The following DNM3 variants were observed in gnomAD, a reference collection of about 807,000 sequenced individuals.
DNM3 encodes the protein dynamin-3.
In DNM3, 47 loss-of-function variants were observed where a neutral mutation model predicts 101.6. The observed-to-expected ratio is 0.46, with a 90% confidence interval of 0.37 to 0.59. The LOEUF is 0.59. Among genes scored for constraint, DNM3 ranks in the 20% least tolerant of loss-of-function variants. DNM3 has a pLI of 0.00. For synonymous variants in DNM3, 385 were observed against 387.9 expected, an observed-to-expected ratio of 0.99 and a Z score of 0.09; for missense variants, 849 against 1,085.7, an observed-to-expected ratio of 0.78 and a Z score of 3.06.
At chr1:172,168,935 G>A (rs2058849391) in intron 14 of DNM3, among the ~76,000 whole-genome samples, 1 of 151,932 alleles carries the variant, frequency 6.6e-6, no homozygotes, top group African/African-American at 2.4e-5. Flanking sequence ...TGTTGTAAGA[G>A]GTGAAACTTG....
chr1:172,207,410 C>T lies in DNM3; in HGVS notation c.1660-46163C>T, dbSNP rs146741079. 1.1e-3 allele frequency among the ~76,000 whole-genome samples: 160 copies of T among 152,190 alleles called. 1 individual carries two copies. Among genetic ancestry groups the T allele is most frequent in the African/African-American group, 3.5e-3 (145 of 41,542 alleles). On this transcript the variant is annotated intron_variant, in intron 14 of 20. Coordinates refer to ENST00000627582, the MANE Select transcript of DNM3 (RefSeq NM_015569.5). Reference sequence around the variant, plus strand: ...AGATGCCCTTGGATCTCCTAGTTCTCATATAATTTTCATGGGAACTTAATT... The same window carrying T: ...AGATGCCCTTGGATCTCCTAGTTCTTATATAATTTTCATGGGAACTTAATT...
At chr1:172,123,317 T>C (rs2056428974) in intron 13 of DNM3, among the ~76,000 whole-genome samples, 1 of 152,184 alleles carries the variant, frequency 6.6e-6, no homozygotes, top group Non-Finnish European at 1.5e-5. Context: ...AACTTCTTTA[T>C]CTCTGTCATA....
intron 1 of DNM3, among the ~76,000 whole-genome samples, chr1:171,917,160 T>C (rs994293414): frequency 6.6e-5 from 10 of 152,232 alleles, no homozygotes; most frequent in Admixed American, 3.9e-4. Context: ...CTATGAGTTA[T>C]GCCTCCCATC....
intron 2 of DNM3, among the ~76,000 whole-genome samples, chr1:171,985,913 C>T (rs2045218103): frequency 6.6e-6 from 1 of 152,160 alleles, no homozygotes; most frequent in Non-Finnish European, 1.5e-5. Flanking sequence ...GGTGCTGACA[C>T]TCACATTAAT....
intron 16 of DNM3, among the ~76,000 whole-genome samples, chr1:172,316,472 G>A (rs550089166): frequency 3.9e-5 from 6 of 152,178 alleles, no homozygotes; most frequent in Non-Finnish European, 7.3e-5. Flanking sequence ...AGACCCATCA[G>A]TGTGCTGTAT....
intron 1 of DNM3, among the ~76,000 whole-genome samples, chr1:171,859,753 AG>A (rs1430759592): frequency 6.6e-6 from 1 of 152,212 alleles, no homozygotes; most frequent in Non-Finnish European, 1.5e-5. Context: ...GGATAGTGAT[AG>A]AACATGACAG....
intron 13 of DNM3, among the ~76,000 whole-genome samples, chr1:172,122,256 C>A (rs2056368490): frequency 6.6e-6 from 1 of 151,858 alleles, no homozygotes; most frequent in South Asian, 2.1e-4. Flanking sequence ...CAATTTTTTC[C>A]CTGTCCTTAC....
chr1:172,113,059 A>G (rs1191485247), intron 13 of DNM3, among the ~76,000 whole-genome samples: 1 of 152,172 alleles, frequency 6.6e-6, no homozygotes, highest in Non-Finnish European at 1.5e-5. Context: ...TGCCTTATTT[A>G]TTTACTGAAT....
At chr1:171,967,372 G>A (rs2043662395) in intron 2 of DNM3, among the ~76,000 whole-genome samples, 1 of 152,050 alleles carries the variant, frequency 6.6e-6, no homozygotes, top group Admixed American at 6.6e-5. Flanking sequence ...TTGTTGGGGT[G>A]TAGAAAACAA....
Position 172,204,486 on chromosome 1 carries a change from G to A in DNM3, c.1660-49087G>A, listed in dbSNP as rs1319154625. On this transcript the variant is annotated intron_variant, in intron 14 of 20. Transcript: ENST00000627582. Reference sequence around the variant, plus strand: ...AGCATCACTACTTGAACAACTTGCAGGCCTCTGAAACTCAGCCCACTCAAA... The same window carrying A: ...AGCATCACTACTTGAACAACTTGCAAGCCTCTGAAACTCAGCCCACTCAAA... Among the ~76,000 whole-genome samples the A allele has an allele frequency of 5.3e-5, 8 of 151,992 alleles. 1 individual carries two copies. In the South Asian group the frequency reaches 1.5e-3, roughly 28 times the overall value.
At chr1:171,903,179 T>A (rs760192079) in intron 1 of DNM3, among the ~76,000 whole-genome samples, 1 of 151,344 alleles carries the variant, frequency 6.6e-6, no homozygotes, top group Non-Finnish European at 1.5e-5. Flanking sequence ...AATAAATAAA[T>A]AAAAATAAAG....
intron 4 of DNM3, among the ~76,000 whole-genome samples, chr1:172,001,315 G>T (rs914679340): frequency 1.3e-5 from 2 of 151,972 alleles, no homozygotes; most frequent in African/African-American, 2.4e-5. Flanking sequence ...GCCTAGCAGT[G>T]TCACTGACAT....
intron 10 of DNM3, among the ~76,000 whole-genome samples, chr1:172,061,242 T>G (rs374111187): frequency 1.3e-5 from 2 of 149,160 alleles, no homozygotes; most frequent in Admixed American, 1.3e-4. Context: ...ACTTTTACAC[T>G]GTTGGTGGGA....
chr1:172,146,737 A>G (rs2057919401), intron 14 of DNM3, among the ~76,000 whole-genome samples: 1 of 152,200 alleles, frequency 6.6e-6, no homozygotes, highest in Non-Finnish European at 1.5e-5. Flanking sequence ...CCAGTATTCC[A>G]GGTGTAGACC....
chr1:172,220,087 CCA>C, intron 14 of DNM3, among the ~76,000 whole-genome samples: 1 of 152,172 alleles, frequency 6.6e-6, no homozygotes, highest in South Asian at 2.1e-4. Flanking sequence ...GAGAGCAAAC[CCA>C]GAATTCATTG....
At chr1:172,029,155 C>A (rs1187502496) in intron 4 of DNM3, among the ~76,000 whole-genome samples, 1 of 152,158 alleles carries the variant, frequency 6.6e-6, no homozygotes. Flanking sequence ...ATGCAAAAAT[C>A]CTCAATAAAA....
chr1:172,151,303 G>C (rs2058117745), intron 14 of DNM3, among the ~76,000 whole-genome samples: 1 of 152,172 alleles, frequency 6.6e-6, no homozygotes, highest in African/African-American at 2.4e-5. Context: ...CATAGCAATA[G>C]TTAAAGGTTA....
intron 17 of DNM3, among the ~76,000 whole-genome samples, chr1:172,352,352 CT>C (rs945408229): frequency 2.0e-5 from 3 of 151,550 alleles, no homozygotes; most frequent in Non-Finnish European, 4.4e-5. Context: ...GTAAAGTGAA[CT>C]TTTTTTTTCT....
rs555423324 is a variant in DNM3 at position 172,018,951 on chromosome 1, A to T, written c.590-13451A>T. 4.0e-5 allele frequency among the ~76,000 whole-genome samples: 6 copies of T among 150,598 alleles called. No individual in the cohort carries two copies. The South Asian group carries it at 8.5e-4, about 21-fold the overall frequency. ...ATTTGAGAAAGTCTATTACTCCTTC[A>T]CTTTTCCTTCCCCTTCCTTCCCTCC... On this transcript the variant is annotated intron_variant, in intron 4 of 20. Coordinates refer to ENST00000627582, the MANE Select transcript of DNM3 (RefSeq NM_015569.5).
Sources: allele counts gnomAD v4.1 joint callset (sites outside exome capture counted in the v4.1 genomes callset), GRCh38; gene constraint gnomAD v4.1.1; transcripts MANE v1.5; gene names NCBI Gene and HGNC (gene_info 2026-07-23, HGNC 2026-07-21).